KCNQ1: variants seen among roughly 807,000 people sequenced by gnomAD.
The protein encoded by KCNQ1 is potassium voltage-gated channel subfamily Q member 1.
Under a neutral mutation model 72.4 loss-of-function variants are expected in KCNQ1, and 49 were observed. The observed-to-expected ratio is 0.68, with a 90% CI of 0.54 to 0.86. The LOEUF (loss-of-function observed/expected upper bound fraction) is 0.86, where lower values mean the gene tolerates loss of function less well. Ranked by LOEUF, KCNQ1 falls within the 40% of genes least tolerant of loss-of-function variation. KCNQ1 has a pLI of 0.00. For synonymous variants in KCNQ1, 450 were observed against 412.6 expected (o/e 1.09, Z -1.10); for missense variants, 790 against 945.1 (o/e 0.84, Z 2.15).
intron 10 of KCNQ1, chr11:2,615,425 A>G (rs1404321469): frequency 5.0e-6 from 2 of 397,908 alleles, no homozygotes; most frequent in African/African-American, 4.1e-5. Context: ...CATGGTTAAA[A>G]CTTTCAGTAC....
At position 2,725,786 on chromosome 11, in the gene KCNQ1, C is replaced by T. The variant is rs558017904; in HGVS notation, c.1515-43058C>T. 3.6e-4 allele frequency among the ~76,000 whole-genome samples: 55 copies of T among 151,520 alleles called. No individual in the cohort carries two copies. The highest frequency in any genetic ancestry group is 8.4e-4 in the South Asian group (4 of 4,772). ...AGCTATCTCCCCCAGGCCCCACCCC[C>T]GCCCCCACCCAAAGCACAGGTCACC... On this transcript the variant is annotated intron_variant, in intron 11 of 15. Transcript: ENST00000155840. The surrounding 1 kb of genome is among the most constrained non-coding windows in gnomAD (Gnocchi z 7.2).
At chr11:2,644,835 G>A (rs1849642012) in intron 10 of KCNQ1, 1 of 398,582 alleles carries the variant, frequency 2.5e-6, no homozygotes, top group Admixed American at 4.4e-5. Flanking sequence ...TAGTGTCTGG[G>A]AGTTCCTCTG....
At position 2,620,223 on chromosome 11, in the gene KCNQ1, T is replaced by A. The variant is rs1409290329; in HGVS notation, c.1393+31369T>A. ...TGTATATATATATATTTTTTTTTTTTATTTTTTTTTTAGACGGAGTTTCGC... is the reference window on the plus strand; with the variant it reads ...TGTATATATATATATTTTTTTTTTTAATTTTTTTTTTAGACGGAGTTTCGC... On this transcript the variant is annotated intron_variant, in intron 10 of 15. Transcript: ENST00000155840. The surrounding 1 kb of genome is among the most constrained non-coding windows in gnomAD (Gnocchi z 4.5). 52 of 270,932 alleles carry A rather than the reference T, an allele frequency of 1.9e-4. No individual in the cohort carries two copies. The highest frequency in any genetic ancestry group is 6.8e-4 in the East Asian group (10 of 14,756). 16.8% of individuals were successfully genotyped at this position (270,932 alleles called of 1,614,324 possible).
In KCNQ1 at chr11:2,468,080, G is replaced by A. The variant is rs1846378844; in HGVS notation, c.386+22596G>A. ...GCTGTTAGCCACGTGCTTAGACTGT[G>A]CCCGGAAAATGCACTGTCTCTCCTG... On this transcript the variant is annotated intron_variant, in intron 1 of 15. Coordinates refer to ENST00000155840, the MANE Select transcript of KCNQ1 (RefSeq NM_000218.3). The surrounding 1 kb of genome is among the most constrained non-coding windows in gnomAD (Gnocchi z 5.7). 6.6e-6 allele frequency among the ~76,000 whole-genome samples: 1 copy of A among 152,264 alleles called. No individual in the cohort carries two copies.
In KCNQ1 at chr11:2,772,296, G is replaced by C. The variant is rs1846615976; in HGVS notation, c.1590+3377G>C. On this transcript the variant is annotated intron_variant, in intron 12 of 15. Coordinates refer to ENST00000155840, the MANE Select transcript of KCNQ1 (RefSeq NM_000218.3). This position sits in a 1 kb window ranked among gnomAD's most constrained non-coding sequence, Gnocchi z 6.6. ...GGCAGGTGACCCCTCTGCCTACCTT[G>C]CTGGCTGATAAGTCCTTGGCCAACC... Among the ~76,000 whole-genome samples the C allele has an allele frequency of 6.6e-6, 1 of 152,080 alleles. No homozygotes were observed. Among genetic ancestry groups the C allele is most frequent in the Non-Finnish European group, 1.5e-5 (1 of 68,028 alleles).
chr11:2,838,874 G>A (rs1033347721), intron 15 of KCNQ1, among the ~76,000 whole-genome samples: 3 of 152,174 alleles, frequency 2.0e-5, no homozygotes, highest in African/African-American at 7.2e-5. Flanking sequence ...GGCAGCGGCA[G>A]AGAATCAAAT....
In KCNQ1 at chr11:2,654,130, A is replaced by G. The variant is rs1849799897; in HGVS notation, c.1394-7831A>G. The G allele has an allele frequency of 7.5e-6, 3 of 398,390 alleles. No individual in the cohort carries two copies. Among genetic ancestry groups the G allele is most frequent in the Admixed American group, 8.8e-5 (2 of 22,700 alleles). The allele number at this position is 398,390 out of a possible 1,614,324, so 24.7% of individuals were successfully genotyped here. On this transcript the variant is annotated intron_variant, in intron 10 of 15. Coordinates refer to ENST00000155840, the MANE Select transcript of KCNQ1 (RefSeq NM_000218.3). This position sits in a 1 kb window ranked among gnomAD's most constrained non-coding sequence, Gnocchi z 6.4. Reference sequence around the variant, plus strand: ...TGGAGACACAGGTGGTGGCGGGGCCACTCTGGCTCAGGGTCTATGAGCCGG... The same window carrying G: ...TGGAGACACAGGTGGTGGCGGGGCCGCTCTGGCTCAGGGTCTATGAGCCGG...
At position 2,671,349 on chromosome 11, in the gene KCNQ1, C is replaced by T. The variant is rs1850180855; in HGVS notation, c.1514+9268C>T. The T allele has an allele frequency of 2.5e-6, 1 of 398,534 alleles. No homozygotes were observed. Among genetic ancestry groups the T allele is most frequent in the Non-Finnish European group, 4.4e-6 (1 of 226,054 alleles). The allele number at this position is 398,534 out of a possible 1,614,324, so 24.7% of individuals were successfully genotyped here. A position where few individuals can be genotyped will look rare whatever the true frequency, so the allele number is the denominator to read the frequency against. ...CCTCAGAGGCTCCCTCTGAAGATGACACTGGGAATATCCTGAAAAAGGTAC... is the reference window on the plus strand; with the variant it reads ...CCTCAGAGGCTCCCTCTGAAGATGATACTGGGAATATCCTGAAAAAGGTAC... On this transcript the variant is annotated intron_variant, in intron 11 of 15. Coordinates refer to ENST00000155840, the MANE Select transcript of KCNQ1 (RefSeq NM_000218.3). This position sits in a 1 kb window ranked among gnomAD's most constrained non-coding sequence, Gnocchi z 4.7.
chr11:2,687,836 A>C lies in KCNQ1; in HGVS notation c.1514+25755A>C, dbSNP rs1850517449. ...CCTCTGCCCCAACTGGCTCCAGGCC[A>C]AACTCTGGTTCCTGAGGAGCCTCAA... On this transcript the variant is annotated intron_variant, in intron 11 of 15. Coordinates refer to ENST00000155840, the MANE Select transcript of KCNQ1 (RefSeq NM_000218.3). This position sits in a 1 kb window ranked among gnomAD's most constrained non-coding sequence, Gnocchi z 5.0. 3 of 398,588 alleles carry C rather than the reference A, an allele frequency of 7.5e-6. No homozygotes were observed. The highest frequency in any genetic ancestry group is 1.3e-5 in the Non-Finnish European group (3 of 226,134). 24.7% of individuals were successfully genotyped at this position (398,588 alleles called of 1,614,324 possible). A position where few individuals can be genotyped will look rare whatever the true frequency, so the allele number is the denominator to read the frequency against.
chr11:2,664,150 C>A lies in KCNQ1; in HGVS notation c.1514+2069C>A. 2.5e-6 allele frequency: 1 copy of A among 398,714 alleles called. No homozygotes were observed. Among genetic ancestry groups the A allele is most frequent in the Non-Finnish European group, 4.4e-6 (1 of 226,142 alleles). The allele number at this position is 398,714 out of a possible 1,614,324, so 24.7% of individuals were successfully genotyped here. ...TAACTTACCAAGGCCTCTCTCAGAG[C>A]AGGCTGTTCCAAAAGTGGCTGCTAG... On this transcript the variant is annotated intron_variant, in intron 11 of 15. Transcript: ENST00000155840. This position sits in a 1 kb window ranked among gnomAD's most constrained non-coding sequence, Gnocchi z 5.1.
chr11:2,638,844 T>C (rs1393013551), intron 10 of KCNQ1: 1 of 152,246 alleles, frequency 6.6e-6, no homozygotes, highest in African/African-American at 2.4e-5. Flanking sequence ...GTCATTTTCA[T>C]GTACACCAGT....
chr11:2,818,834 C>T lies in KCNQ1; in HGVS notation c.1795-28933C>T, dbSNP rs1206726231. Among the ~76,000 whole-genome samples, 2 of 152,008 alleles carry T rather than the reference C, an allele frequency of 1.3e-5. No individual in the cohort carries two copies. Among genetic ancestry groups the T allele is most frequent in the Non-Finnish European group, 2.9e-5 (2 of 67,992 alleles). On this transcript the variant is annotated intron_variant, in intron 15 of 15. Transcript: ENST00000155840. The surrounding 1 kb of genome is among the most constrained non-coding windows in gnomAD (Gnocchi z 7.2). ...AGGTGTCTCCACAACTGCCAGGAGA[C>T]AGCTCAGCTTAGCTGCTCTTCCCCC...
chr11:2,631,501 CTG>C, intron 10 of KCNQ1: 1 of 396,866 alleles, frequency 2.5e-6, no homozygotes, highest in Admixed American at 4.4e-5. Flanking sequence ...GGTTGTCTCT[CTG>C]TTCTCTGGTA....
chr11:2,680,123 C>T (rs912872132), intron 11 of KCNQ1: 8 of 395,760 alleles, frequency 2.0e-5, no homozygotes, highest in Non-Finnish European at 3.5e-5. Flanking sequence ...AACTCCTGAC[C>T]TCAAGTGATC....
chr11:2,675,818 C>T (rs2133874199), intron 11 of KCNQ1: 2 of 398,612 alleles, frequency 5.0e-6, no homozygotes, highest in East Asian at 7.1e-5. Context: ...GCATGCAGGG[C>T]TGCACACTGC....
At chr11:2,729,682 G>A (rs1845820371) in intron 11 of KCNQ1, among the ~76,000 whole-genome samples, 1 of 152,222 alleles carries the variant, frequency 6.6e-6, no homozygotes, top group Non-Finnish European at 1.5e-5. Flanking sequence ...AAGTGGTCTG[G>A]AGATGGGAGG....
Position 2,698,418 on chromosome 11 carries a change from C to T in KCNQ1, c.1514+36337C>T, listed in dbSNP as rs915684628. On this transcript the variant is annotated intron_variant, in intron 11 of 15. Transcript: ENST00000155840. This position sits in a 1 kb window ranked among gnomAD's most constrained non-coding sequence, Gnocchi z 5.1. The stretch of plus-strand genomic sequence containing the variant: ...ACTGGGATCTGAACATAGTGGTGGC[C>T]CTTCAAGCCTACTACCCAGACTGAG... The T allele has an allele frequency of 6.1e-5, 24 of 391,108 alleles. No individual in the cohort carries two copies. Among genetic ancestry groups the T allele is most frequent in the Non-Finnish European group, 3.1e-5 (7 of 224,562 alleles). The allele number at this position is 391,108 out of a possible 1,614,324, so 24.2% of individuals were successfully genotyped here.
intron 1 of KCNQ1, among the ~76,000 whole-genome samples, chr11:2,474,642 C>T (rs1205146105): frequency 1.3e-5 from 1 of 79,384 alleles, no homozygotes; most frequent in Non-Finnish European, 3.4e-5. Flanking sequence ...AGACAAAAGG[C>T]CCTTGCGTCA....
chr11:2,770,442 G>A (rs1186706684), intron 12 of KCNQ1, among the ~76,000 whole-genome samples: 1 of 152,220 alleles, frequency 6.6e-6, no homozygotes, highest in Non-Finnish European at 1.5e-5. Flanking sequence ...AGCAGCCCTC[G>A]GCCAGGCCCT....
Sources: allele counts gnomAD v4.1 joint callset (sites outside exome capture counted in the v4.1 genomes callset), GRCh38; gene constraint gnomAD v4.1.1; non-coding constraint Gnocchi (gnomAD v3.1); transcripts MANE v1.5; gene names NCBI Gene and HGNC (gene_info 2026-07-23, HGNC 2026-07-21).